The following CECR2 variants were observed in gnomAD, a reference collection of about 807,000 sequenced individuals.
CECR2 encodes chromatin remodeling regulator CECR2.
Under a neutral mutation model 154.5 loss-of-function variants are expected in CECR2, and 30 were observed. That is an observed-to-expected ratio of 0.19 (90% CI 0.15 to 0.26). The LOEUF (loss-of-function observed/expected upper bound fraction) is 0.26. CECR2 is among the 10% of genes least tolerant of loss of function. The pLI is 1.00. For synonymous variants in CECR2, 725 were observed against 683.7 expected, an observed-to-expected ratio of 1.06 and a Z score of -0.94; for missense variants, 1,743 against 1,829.3, an observed-to-expected ratio of 0.95 and a Z score of 0.86.
chr22:17,469,910 T>C (rs537946766), intron 1 of CECR2, among the ~76,000 whole-genome samples: 1 of 152,310 alleles, frequency 6.6e-6, no homozygotes, highest in South Asian at 2.1e-4. Context: ...TTACTGGTTT[T>C]TTGCCTGTCC....
In CECR2 at chr22:17,539,127, G is replaced by T; in HGVS notation, c.1495+8G>T. 1.2e-6 allele frequency: 2 copies of T among 1,612,088 alleles called. No individual in the cohort carries two copies. Among genetic ancestry groups the T allele is most frequent in the South Asian group, 2.2e-5 (2 of 90,992 alleles). On this transcript the variant is annotated splice_region_variant and intron_variant, in intron 13 of 18. Transcript: ENST00000262608. ...ATAATGGGGAAAGTAGTGGTAAGCAGGGAAGGAGTTTGTGCTAGATACATA... is the reference window on the plus strand; with the variant it reads ...ATAATGGGGAAAGTAGTGGTAAGCATGGAAGGAGTTTGTGCTAGATACATA...
chr22:17,497,035 T>C (rs1453783026), intron 2 of CECR2, among the ~76,000 whole-genome samples: 1 of 152,214 alleles, frequency 6.6e-6, no homozygotes. Context: ...ACCTCACCCC[T>C]GTAATCCCAG....
At position 17,500,007 on chromosome 22, in the gene CECR2, C is replaced by A. The variant is rs908056323; in HGVS notation, c.545+458C>A. ...CGGGCGGATCACGAGGTCAGGAGATCGAGACCATCCTGGCTAATACGGTGA... is the reference window on the plus strand; with the variant it reads ...CGGGCGGATCACGAGGTCAGGAGATAGAGACCATCCTGGCTAATACGGTGA... On this transcript the variant is annotated intron_variant, in intron 4 of 18. Coordinates refer to ENST00000262608, the MANE Select transcript of CECR2 (RefSeq NM_001290047.2). Among the ~76,000 whole-genome samples the A allele has an allele frequency of 2.6e-5, 4 of 151,904 alleles. No individual in the cohort carries two copies. The East Asian group carries it at 7.7e-4, about 29-fold the overall frequency.
intron 9 of CECR2, chr22:17,534,857 C>CAAAAA (rs551773727): frequency 0.033 from 4,106 of 125,810 alleles, 95 homozygotes; most frequent in African/African-American, 0.069. Context: ...AACTCTGTCT[C>CAAAAA]AAAAAAAAAA....
chr22:17,404,019 G>A (rs1197424660), intron 1 of CECR2, among the ~76,000 whole-genome samples: 3 of 34,954 alleles, frequency 8.6e-5, no homozygotes, highest in East Asian at 6.7e-4. Flanking sequence ...TAGCACTTTG[G>A]GAGATGGAGT....
chr22:17,425,830 A>G (rs961010171), intron 1 of CECR2, among the ~76,000 whole-genome samples: 1 of 152,202 alleles, frequency 6.6e-6, no homozygotes, highest in Admixed American at 6.5e-5. Context: ...GGTGGTGAGA[A>G]TAAAGAATAG....
At chr22:17,414,198 G>T (rs186442172) in intron 1 of CECR2, among the ~76,000 whole-genome samples, 5,788 of 146,622 alleles carry the variant, frequency 0.039, 220 homozygotes, top group African/African-American at 0.1. Flanking sequence ...GGTCTCGATC[G>T]CCTGACCTCG....
At chr22:17,521,053 A>G (rs1826801191) in intron 8 of CECR2, among the ~76,000 whole-genome samples, 1 of 152,162 alleles carries the variant, frequency 6.6e-6, no homozygotes, top group Non-Finnish European at 1.5e-5. Context: ...TTACACTCCC[A>G]CCAACAGCGT....
At chr22:17,450,204 G>C (rs1295332559) in intron 1 of CECR2, among the ~76,000 whole-genome samples, 1 of 152,172 alleles carries the variant, frequency 6.6e-6, no homozygotes, top group Non-Finnish European at 1.5e-5. Flanking sequence ...AAATAGTTTA[G>C]ATTCATTTGA....
At chr22:17,416,642 C>T (rs997701333) in intron 1 of CECR2, among the ~76,000 whole-genome samples, 1 of 152,158 alleles carries the variant, frequency 6.6e-6, no homozygotes, top group African/African-American at 2.4e-5. Context: ...GCCGGGATTA[C>T]AGGCACGTGC....
intron 1 of CECR2, among the ~76,000 whole-genome samples, chr22:17,396,481 A>T (rs2053813522): frequency 6.6e-6 from 1 of 152,188 alleles, no homozygotes; most frequent in East Asian, 1.9e-4. Context: ...CGGGAGGCGG[A>T]GGTTGCGGTG....
intron 1 of CECR2, chr22:17,428,573 T>A (rs1262987792): frequency 6.6e-6 from 1 of 152,202 alleles, no homozygotes; most frequent in Non-Finnish European, 1.5e-5. Flanking sequence ...TCCCCCCATA[T>A]TTCACAATAA....
At chr22:17,485,373 G>T (rs1049938354) in intron 2 of CECR2, among the ~76,000 whole-genome samples, 1 of 152,172 alleles carries the variant, frequency 6.6e-6, no homozygotes, top group Non-Finnish European at 1.5e-5. Flanking sequence ...TTGAAAACAG[G>T]ATTTTTAACT....
At chr22:17,496,600 A>G (rs987989811) in intron 2 of CECR2, among the ~76,000 whole-genome samples, 1 of 152,216 alleles carries the variant, frequency 6.6e-6, no homozygotes, top group Non-Finnish European at 1.5e-5. Context: ...TTATAGTTGC[A>G]TATCAGTGTA....
intron 6 of CECR2, among the ~76,000 whole-genome samples, chr22:17,503,388 C>T (rs994219841): frequency 6.6e-6 from 1 of 152,154 alleles, no homozygotes; most frequent in East Asian, 1.9e-4. Flanking sequence ...GACACCTTAA[C>T]GTTGGAGTGA....
upstream of CECR2, among the ~76,000 whole-genome samples, chr22:17,368,693 T>G (rs115015683): frequency 0.023 from 3,484 of 152,202 alleles, 173 homozygotes; most frequent in East Asian, 0.22. Flanking sequence ...CACATTGTGC[T>G]CACTCTTCCA....
intron 1 of CECR2, among the ~76,000 whole-genome samples, chr22:17,408,403 G>A (rs2054017381): frequency 6.6e-6 from 1 of 152,054 alleles, no homozygotes; most frequent in South Asian, 2.1e-4. Context: ...TCTGTTGTAT[G>A]CCTCAGTTTC....
Position 17,537,217 on chromosome 22 carries a change from A to G in CECR2, c.1223A>G (p.Lys408Arg). The G allele has an allele frequency of 6.2e-7, 1 of 1,613,970 alleles. No individual in the cohort carries two copies. Among genetic ancestry groups the G allele is most frequent in the Admixed American group, 1.7e-5 (1 of 60,014 alleles). Residue 408 changes from lysine to arginine, a missense_variant, in exon 10 of 19, where the codon AAA becomes AGA. Transcript: ENST00000262608. ...LDPNSPMREE[K>R]KTKDLFELDD... ...CCCAATTCCCCCATGAGAGAGGAAA[A>G]AAAGACTAAAGACCTGTGAGTATTT...
At chr22:17,493,096 C>T (rs186887920) in intron 2 of CECR2, among the ~76,000 whole-genome samples, 1 of 152,172 alleles carries the variant, frequency 6.6e-6, no homozygotes, top group East Asian at 1.9e-4. Context: ...CTCAGCCTCC[C>T]GAGTGGCTGG....
Sources: allele counts gnomAD v4.1 joint callset (sites outside exome capture counted in the v4.1 genomes callset), GRCh38; gene constraint gnomAD v4.1.1; transcripts MANE v1.5; gene names NCBI Gene and HGNC (gene_info 2026-07-23, HGNC 2026-07-21).